Variants in MN1 observed in about 807,000 individuals in gnomAD.
The protein encoded by MN1 is transcriptional activator MN1.
A neutral mutation model predicts 86.9 loss-of-function variants in MN1; 19 were observed. The ratio of observed to expected loss-of-function variants is 0.22; its 90% confidence interval spans 0.15 to 0.32. The LOEUF is 0.32. MN1 is among the 10% of genes least tolerant of loss of function. The probability of loss-of-function intolerance (pLI) is 1.00; values close to 1 mark genes in which losing one functional copy is unlikely to be tolerated. For missense variants in MN1, 1,841 were observed against 1,862.0 expected (o/e 0.99, Z 0.21); for synonymous variants, 928 against 849.6 (o/e 1.09, Z -1.60).
At chr22:27,762,398 T>C (rs1052516245) in intron 1 of MN1, among the ~76,000 whole-genome samples, 1 of 152,218 alleles carries the variant, frequency 6.6e-6, no homozygotes. Context: ...AGCAAAGTGC[T>C]TAGCACAGTG....
chr22:27,780,934 AT>A (rs201761253), intron 1 of MN1, among the ~76,000 whole-genome samples: 11 of 150,330 alleles, frequency 7.3e-5, no homozygotes, highest in South Asian at 2.1e-4. Context: ...AGTTTTGAGT[AT>A]TTTTTTTTTC....
At chr22:27,776,799 T>C (rs1932984501) in intron 1 of MN1, among the ~76,000 whole-genome samples, 1 of 152,112 alleles carries the variant, frequency 6.6e-6, no homozygotes, top group African/African-American at 2.4e-5. Context: ...GGCCTGGTCA[T>C]CTGGGGTTAA....
In MN1 at chr22:27,797,411, C is replaced by G; in HGVS notation, c.3133G>C (p.Ala1045Pro). ...TAGCTCGTGCTCACCTCGTCCGAGG[C>G]GAACTCACCCACGTTTGGCGAACTA... is the stretch of plus-strand genomic sequence containing the variant. ...DSSSPNVGEF[A>P]SDEVSTSYAN... The change falls in exon 1 of 2, where the codon GCC (alanine) becomes CCC (proline). Residue 1045 changes from alanine to proline, a missense_variant. Ala to Pro is a conservative substitution (Grantham distance 27, BLOSUM62 -1). Coordinates refer to ENST00000302326, the MANE Select transcript of MN1 (RefSeq NM_002430.3). 1.2e-6 allele frequency: 2 copies of G among 1,611,438 alleles called. No homozygotes were observed. The highest frequency in any genetic ancestry group is 1.7e-6 in the Non-Finnish European group (2 of 1,179,478).
chr22:27,754,540 T>C (rs531648153), intron 1 of MN1, among the ~76,000 whole-genome samples: 1 of 152,340 alleles, frequency 6.6e-6, no homozygotes, highest in African/African-American at 2.4e-5. Flanking sequence ...GGAATATTTT[T>C]AAGAGAGAAT....
chr22:27,782,270 G>A (rs537652370), intron 1 of MN1, among the ~76,000 whole-genome samples: 25 of 152,202 alleles, frequency 1.6e-4, no homozygotes, highest in Non-Finnish European at 2.1e-4. Context: ...GCCCCACACC[G>A]GCCCAATAGT....
Position 27,798,394 on chromosome 22 carries a change from GC to G in MN1, c.2149del (p.Ala717ArgfsTer47). 4 of 1,510,562 alleles carry G rather than the reference GC, an allele frequency of 2.6e-6. No individual in the cohort carries two copies. Among genetic ancestry groups the G allele is most frequent in the East Asian group, 2.5e-5 (1 of 39,394 alleles). 93.6% of individuals were successfully genotyped at this position (1,510,562 alleles called of 1,614,324 possible). On this transcript the variant is annotated frameshift_variant, in exon 1 of 2. Transcript: ENST00000302326. LOFTEE classifies it high-confidence loss of function. ...GGLGQLQSPG[A>X]GVGLPSAASE... ...AGCAGCGCTGGGGAGCCCCACGCCC[GC>G]CCCGGGCGACTGCAGCTGACCCAGG...
chr22:27,786,659 C>T (rs1448167243), intron 1 of MN1, among the ~76,000 whole-genome samples: 1 of 152,156 alleles, frequency 6.6e-6, no homozygotes, highest in East Asian at 1.9e-4. Context: ...GTTCTTTGGC[C>T]GTCTCCAAGG....
intron 1 of MN1, among the ~76,000 whole-genome samples, chr22:27,772,257 T>G (rs973845910): frequency 6.6e-6 from 1 of 152,236 alleles, no homozygotes; most frequent in African/African-American, 2.4e-5. Context: ...TTCACCCCAC[T>G]GCCTCGCTGT....
At chr22:27,791,325 T>C (rs887871374) in intron 1 of MN1, among the ~76,000 whole-genome samples, 1 of 152,028 alleles carries the variant, frequency 6.6e-6, no homozygotes, top group Non-Finnish European at 1.5e-5. Flanking sequence ...CACGCACTCA[T>C]GTATACATCA....
intron 1 of MN1, among the ~76,000 whole-genome samples, chr22:27,792,130 G>A (rs942012531): frequency 2.0e-5 from 3 of 151,882 alleles, no homozygotes; most frequent in African/African-American, 4.8e-5. Context: ...AGGAATCATA[G>A]AATTTCCTTG....
chr22:27,763,428 G>A (rs1932847674), intron 1 of MN1, among the ~76,000 whole-genome samples: 1 of 152,174 alleles, frequency 6.6e-6, no homozygotes, highest in African/African-American at 2.4e-5. Flanking sequence ...GCACAGTCAC[G>A]CACTTTGGAG....
At chr22:27,787,940 G>T (rs1012454622) in intron 1 of MN1, among the ~76,000 whole-genome samples, 3 of 152,118 alleles carry the variant, frequency 2.0e-5, no homozygotes, top group African/African-American at 7.2e-5. Flanking sequence ...GGGTCCTCCG[G>T]ATCTACCTCC....
intron 1 of MN1, among the ~76,000 whole-genome samples, chr22:27,774,332 G>A (rs1049488781): frequency 3.9e-5 from 6 of 152,102 alleles, no homozygotes; most frequent in African/African-American, 7.2e-5. Flanking sequence ...CCCTCCCCTC[G>A]CCCTGAAGAC....
At chr22:27,754,073 G>A (rs1162201063) in intron 1 of MN1, among the ~76,000 whole-genome samples, 1 of 152,180 alleles carries the variant, frequency 6.6e-6, no homozygotes, top group Non-Finnish European at 1.5e-5. Context: ...TCCGAGGGAT[G>A]AAGCTCCTTG....
chr22:27,794,193 G>C (rs1043624828), intron 1 of MN1, among the ~76,000 whole-genome samples: 3 of 152,176 alleles, frequency 2.0e-5, no homozygotes, highest in Non-Finnish European at 2.9e-5. Context: ...CCTGTAGAAA[G>C]CTCTGTGTAC....
At position 27,798,136 on chromosome 22, in the gene MN1, C is replaced by A; in HGVS notation, c.2408G>T (p.Gly803Val). ...GTTGAAGGAGCCCAGCGAGAGCGCG[C>A]CCAATTTACTGGCCGAGGTGCGCTG... ...PSQRTSASKL[G>V]ALSLGSFNKP... is the part of the protein sequence containing the mutation. The change falls in exon 1 of 2, where the codon GGC (glycine) becomes GTC (valine). Residue 803 changes from glycine (G) to valine (V), a missense_variant. Gly to Val is a moderately radical substitution (Grantham distance 109). Transcript: ENST00000302326. 1 of 1,602,956 alleles carries A rather than the reference C, an allele frequency of 6.2e-7. No homozygotes were observed. Among genetic ancestry groups the A allele is most frequent in the Non-Finnish European group, 8.5e-7 (1 of 1,177,270 alleles).
At chr22:27,793,335 C>T (rs1933241037) in intron 1 of MN1, among the ~76,000 whole-genome samples, 1 of 144,510 alleles carries the variant, frequency 6.9e-6, no homozygotes, top group African/African-American at 2.9e-5. Context: ...ACACCTATTA[C>T]AAAGATAGGT....
chr22:27,795,154 C>T (rs1409758689), intron 1 of MN1, among the ~76,000 whole-genome samples: 1 of 152,154 alleles, frequency 6.6e-6, no homozygotes, highest in East Asian at 1.9e-4. Flanking sequence ...CTGATGCTGG[C>T]CGCAGCGTCT....
intron 1 of MN1, among the ~76,000 whole-genome samples, chr22:27,753,871 A>G (rs1306143985): frequency 6.6e-6 from 1 of 152,192 alleles, no homozygotes; most frequent in Non-Finnish European, 1.5e-5. Flanking sequence ...ACCCTGCTTA[A>G]TATCTCCAAA....
Sources: allele counts gnomAD v4.1 joint callset (sites outside exome capture counted in the v4.1 genomes callset), GRCh38; gene constraint gnomAD v4.1.1; transcripts MANE v1.5; gene names NCBI Gene and HGNC (gene_info 2026-07-23, HGNC 2026-07-21).